Variants in CDH18 observed in about 807,000 individuals in gnomAD.
CDH18 encodes cadherin 18.
A neutral mutation model predicts 67.9 loss-of-function variants in CDH18; 31 were observed. The ratio of observed to expected loss-of-function variants is 0.46; its 90% CI spans 0.34 to 0.62. The LOEUF is 0.62. CDH18 is among the 20% of genes least tolerant of loss of function. The pLI is 0.01. For synonymous variants in CDH18, 362 were observed against 347.2 expected, an observed-to-expected ratio of 1.04 and a Z score of -0.48; for missense variants, 890 against 975.5, an observed-to-expected ratio of 0.91 and a Z score of 1.17.
intron 2 of CDH18, among the ~76,000 whole-genome samples, chr5:19,850,862 G>A (rs1214609406): frequency 1.3e-5 from 2 of 151,744 alleles, no homozygotes; most frequent in African/African-American, 2.4e-5. Flanking sequence ...TATTTGCAAC[G>A]TGCTGTACAT....
intron 1 of CDH18, among the ~76,000 whole-genome samples, chr5:20,402,659 T>C (rs1745869371): frequency 6.6e-6 from 1 of 152,148 alleles, no homozygotes; most frequent in Non-Finnish European, 1.5e-5. Flanking sequence ...TGCTGAAAAT[T>C]ATGATTATAT....
chr5:20,265,602 T>C, intron 1 of CDH18, among the ~76,000 whole-genome samples: 1 of 152,108 alleles, frequency 6.6e-6, no homozygotes. Context: ...AAATTACATT[T>C]ATTTTCAAAT....
intron 5 of CDH18, among the ~76,000 whole-genome samples, chr5:19,667,719 GC>G (rs1420429369): frequency 6.6e-6 from 1 of 151,484 alleles, no homozygotes; most frequent in African/African-American, 2.4e-5. Context: ...CAAATATTCT[GC>G]TTTACAAAGT....
At chr5:20,502,923 A>C (rs1487388453) in intron 1 of CDH18, among the ~76,000 whole-genome samples, 2 of 152,164 alleles carry the variant, frequency 1.3e-5, no homozygotes, top group Non-Finnish European at 2.9e-5. Context: ...ACCTCAATGA[A>C]AACATTAACT....
At chr5:20,299,335 T>C (rs949815849) in intron 1 of CDH18, among the ~76,000 whole-genome samples, 2 of 151,808 alleles carry the variant, frequency 1.3e-5, no homozygotes, top group Admixed American at 6.6e-5. Flanking sequence ...CAAGCCATTT[T>C]GATCCAAGTA....
At chr5:20,147,892 T>G (rs1750784198) in intron 2 of CDH18, among the ~76,000 whole-genome samples, 1 of 152,130 alleles carries the variant, frequency 6.6e-6, no homozygotes, top group Non-Finnish European at 1.5e-5. Context: ...TATACAGAAC[T>G]TAAAAAGGAG....
intron 1 of CDH18, among the ~76,000 whole-genome samples, chr5:20,531,371 C>G (rs182806764): frequency 2.0e-5 from 3 of 152,050 alleles, no homozygotes; most frequent in Non-Finnish European, 4.4e-5. Context: ...GCATTTGACC[C>G]AGAATCTCAT....
intron 11 of CDH18, among the ~76,000 whole-genome samples, chr5:19,491,143 G>A (rs1741402479): frequency 6.6e-6 from 1 of 152,164 alleles, no homozygotes; most frequent in Non-Finnish European, 1.5e-5. Context: ...GTTAGTATTT[G>A]ACTGATAGGA....
At chr5:20,129,164 CAGAG>C (rs1749063041) in intron 2 of CDH18, among the ~76,000 whole-genome samples, 1 of 151,162 alleles carries the variant, frequency 6.6e-6, no homozygotes, top group Non-Finnish European at 1.5e-5. Context: ...TTGATTGAGA[CAGAG>C]AGAATGAGAG....
At chr5:19,480,637 A>G (rs1336739096) in intron 12 of CDH18, among the ~76,000 whole-genome samples, 1 of 152,132 alleles carries the variant, frequency 6.6e-6, no homozygotes, top group Non-Finnish European at 1.5e-5. Flanking sequence ...TCAGCCTCCC[A>G]AAGTGCTGGG....
At position 19,824,627 on chromosome 5, in the gene CDH18, GC is replaced by G. The variant is rs536310811; in HGVS notation, c.228+14131del. ...CACCAGCACCATATCCCCCGTAGAGGCCCCAGTTTTGGTGCCTGTGAGTAGT... is the reference window on the plus strand; with the variant it reads ...CACCAGCACCATATCCCCCGTAGAGGCCCAGTTTTGGTGCCTGTGAGTAGT... On this transcript the variant is annotated intron_variant, in intron 3 of 12. Coordinates refer to ENST00000382275, the MANE Select transcript of CDH18 (RefSeq NM_004934.5). Among the ~76,000 whole-genome samples the G allele has an allele frequency of 5.9e-5, 9 of 152,272 alleles. No individual in the cohort carries two copies. In the East Asian group the frequency reaches 1.7e-3, roughly 29 times the overall value.
chr5:19,648,729 A>C (rs13174503), intron 5 of CDH18, among the ~76,000 whole-genome samples: 84,580 of 151,760 alleles, frequency 0.56, 26,724 homozygotes, highest in South Asian at 0.75. Flanking sequence ...AAAAAAGCTT[A>C]GCTTCGAACC....
intron 2 of CDH18, among the ~76,000 whole-genome samples, chr5:20,164,636 T>C (rs28414774): frequency 0.031 from 4,737 of 152,224 alleles, 262 homozygotes; most frequent in African/African-American, 0.11. Context: ...CAGTTCTGCA[T>C]TATTCCAGAC....
intron 1 of CDH18, among the ~76,000 whole-genome samples, chr5:20,321,756 CT>C (rs374272222): frequency 2.8e-4 from 43 of 151,984 alleles, no homozygotes; most frequent in Non-Finnish European, 5.3e-4. Flanking sequence ...CTATTGTCCC[CT>C]GTACATCCAA....
At chr5:19,967,733 C>A (rs896587625) in intron 2 of CDH18, among the ~76,000 whole-genome samples, 1 of 152,078 alleles carries the variant, frequency 6.6e-6, no homozygotes, top group Non-Finnish European at 1.5e-5. Context: ...CAGCCAATAT[C>A]ATACTGAATG....
chr5:19,566,994 A>T (rs190272982), intron 8 of CDH18, among the ~76,000 whole-genome samples: 131 of 152,260 alleles, frequency 8.6e-4, no homozygotes, highest in African/African-American at 3.0e-3. Flanking sequence ...GACAAACTTC[A>T]CATGTTGTTA....
chr5:20,023,434 C>T lies in CDH18; in HGVS notation c.-517-31420G>A, dbSNP rs561606990. ...AAAGGTATTTATAGGCCGAGGCGGGCGGATCACCAGGTCAGGAGATCGAGA... is the reference window on the plus strand; with the variant it reads ...AAAGGTATTTATAGGCCGAGGCGGGTGGATCACCAGGTCAGGAGATCGAGA... On this transcript the variant is annotated intron_variant, in intron 2 of 14. Coordinates refer to the CDH18 transcript ENST00000507958. 1.4e-4 allele frequency among the ~76,000 whole-genome samples: 21 copies of T among 152,000 alleles called. No individual in the cohort carries two copies. In the South Asian group the frequency reaches 1.9e-3, roughly 14 times the overall value.
chr5:19,705,309 C>T (rs979349432), intron 5 of CDH18, among the ~76,000 whole-genome samples: 1 of 152,150 alleles, frequency 6.6e-6, no homozygotes, highest in Non-Finnish European at 1.5e-5. Flanking sequence ...GCAAATAACA[C>T]TACAATTGTG....
Position 20,297,069 on chromosome 5 carries a change from T to C in CDH18, c.-579-41564A>G, listed in dbSNP as rs60877038. Among the ~76,000 whole-genome samples, 184 of 152,236 alleles carry C rather than the reference T, an allele frequency of 1.2e-3. 1 individual carries two copies. Among genetic ancestry groups the C allele is most frequent in the African/African-American group, 4.3e-3 (177 of 41,574 alleles). ...CGATCTAACTAGAAATAATTTAATG[T>C]GTTCTTTTCCAGAAAATACTTAACA... is the stretch of plus-strand genomic sequence containing the variant. On this transcript the variant is annotated intron_variant, in intron 1 of 14. Coordinates refer to the CDH18 transcript ENST00000507958.
Sources: allele counts gnomAD v4.1 joint callset (sites outside exome capture counted in the v4.1 genomes callset), GRCh38; gene constraint gnomAD v4.1.1; transcripts MANE v1.5; gene names NCBI Gene and HGNC (gene_info 2026-07-23, HGNC 2026-07-21).